The following ATP6V0A1 variants were observed in gnomAD, a reference collection of about 807,000 sequenced individuals.
ATP6V0A1 encodes ATPase H+ transporting V0 subunit a1.
In ATP6V0A1, 43 loss-of-function variants were observed where a neutral mutation model predicts 105.4. The observed-to-expected ratio is 0.41, with a 90% confidence interval of 0.32 to 0.53. ATP6V0A1 has a LOEUF of 0.53. Among genes scored for constraint, ATP6V0A1 ranks in the 20% least tolerant of loss-of-function variants. The pLI is 0.30. For missense variants in ATP6V0A1, 676 were observed against 1,051.1 expected (o/e 0.64, Z 4.93); for synonymous variants, 362 against 372.8 (o/e 0.97, Z 0.33).
rs2091915789 is a variant in ATP6V0A1, at chr17:42,504,845, G to A, written c.2005-2675G>A. ...ACAGTCCTCCTCTTCAGGGGGCATT[G>A]TTAACAGGTGGGGGCCTTGCCTCTG... On this transcript the variant is annotated intron_variant, in intron 17 of 21. Coordinates refer to ENST00000343619, the MANE Select transcript of ATP6V0A1 (RefSeq NM_001130021.3). 2.0e-5 allele frequency among the ~76,000 whole-genome samples: 3 copies of A among 152,276 alleles called. No individual in the cohort carries two copies. In the South Asian group the frequency reaches 6.2e-4, roughly 32 times the overall value.
chr17:42,470,787 A>G (rs1346318552), intron 5 of ATP6V0A1: 1 of 153,950 alleles, frequency 6.5e-6, no homozygotes, highest in African/African-American at 2.4e-5. Context: ...ACTTAGACGC[A>G]TTACCTCAGA....
intron 2 of ATP6V0A1, among the ~76,000 whole-genome samples, chr17:42,465,836 C>T (rs542163969): frequency 1.3e-5 from 2 of 151,584 alleles, no homozygotes; most frequent in South Asian, 2.1e-4. Flanking sequence ...CATGGTGGTG[C>T]GCACCTGTAA....
chr17:42,507,327 C>T, intron 17 of ATP6V0A1, 193 bp from the exon 18 acceptor site: 6 of 521,862 alleles, frequency 1.1e-5, no homozygotes, highest in South Asian at 4.4e-5. Context: ...GTAGGTTGGG[C>T]TGGGGCTGGG....
intron 21 of ATP6V0A1, chr17:42,517,829 C>T (rs2092693324): frequency 6.6e-6 from 1 of 152,248 alleles, no homozygotes; most frequent in Non-Finnish European, 1.5e-5. Context: ...CCACTTTATC[C>T]CTGCTGTTTC....
At chr17:42,487,740 T>TAA (rs1226355906) in intron 10 of ATP6V0A1, among the ~76,000 whole-genome samples, 4 of 151,574 alleles carry the variant, frequency 2.6e-5, no homozygotes. Context: ...AAAAAAAAAA[T>TAA]AATAATAAAA....
intron 19 of ATP6V0A1, among the ~76,000 whole-genome samples, chr17:42,512,053 G>A (rs2092369112): frequency 6.6e-6 from 1 of 152,196 alleles, no homozygotes; most frequent in Non-Finnish European, 1.5e-5. Flanking sequence ...GGTGCAGTAG[G>A]GTGAGGACTG....
intron 19 of ATP6V0A1, among the ~76,000 whole-genome samples, chr17:42,512,485 T>C (rs371907123): frequency 1.3e-5 from 2 of 152,082 alleles, no homozygotes; most frequent in South Asian, 2.1e-4. Context: ...TTAACCACGG[T>C]GTTGGGATTT....
intron 5 of ATP6V0A1, among the ~76,000 whole-genome samples, chr17:42,472,078 A>G (rs1353859524): frequency 6.1e-5 from 9 of 148,056 alleles, no homozygotes; most frequent in Non-Finnish European, 1.3e-4. Context: ...TCCCGAGACA[A>G]AGTCTCACTG....
intron 10 of ATP6V0A1, among the ~76,000 whole-genome samples, chr17:42,489,685 A>T (rs2090451836): frequency 6.6e-6 from 1 of 152,162 alleles, no homozygotes; most frequent in East Asian, 1.9e-4. Context: ...CAATGAGGGA[A>T]GTAAATGTTC....
At chr17:42,483,237 G>T in intron 9 of ATP6V0A1, 106 bp downstream of exon 9, 1 of 827,258 alleles carries the variant, frequency 1.2e-6, no homozygotes. Flanking sequence ...TAGCAAACCA[G>T]GATACCAAAA....
At chr17:42,500,663 C>G (rs1344491885) in intron 15 of ATP6V0A1, 44 bp from the exon 16 acceptor site, 1 of 1,502,384 alleles carries the variant, frequency 6.7e-7, no homozygotes, top group Non-Finnish European at 9.2e-7. Flanking sequence ...AGGAGTGGCC[C>G]TAGGCCCATT....
chr17:42,490,215 A>T (rs1379203157), intron 10 of ATP6V0A1, among the ~76,000 whole-genome samples: 1 of 152,114 alleles, frequency 6.6e-6, no homozygotes, highest in African/African-American at 2.4e-5. Context: ...TTAAAGTTAA[A>T]TTTTTTTCAC....
At chr17:42,506,217 G>A (rs901350344) in intron 17 of ATP6V0A1, among the ~76,000 whole-genome samples, 3 of 152,058 alleles carry the variant, frequency 2.0e-5, no homozygotes, top group African/African-American at 7.2e-5. Context: ...TTTGTACTTG[G>A]GAATATATTT....
intron 9 of ATP6V0A1, among the ~76,000 whole-genome samples, chr17:42,483,582 A>G (rs1490947689): frequency 6.6e-6 from 1 of 151,730 alleles, no homozygotes; most frequent in Non-Finnish European, 1.5e-5. Flanking sequence ...TAATTTTTGT[A>G]TTTTTATTTA....
chr17:42,520,243 C>T (rs2092783524), intron 21 of ATP6V0A1: 15 of 355,016 alleles, frequency 4.2e-5, no homozygotes, highest in South Asian at 3.0e-4. Flanking sequence ...TTTTTCTGCC[C>T]TTATTTGGTG....
intron 8 of ATP6V0A1, among the ~76,000 whole-genome samples, chr17:42,481,841 A>G (rs1303233326): frequency 6.6e-6 from 1 of 152,144 alleles, no homozygotes; most frequent in Non-Finnish European, 1.5e-5. Flanking sequence ...ATTCTGCCTT[A>G]GGGACAGATC....
chr17:42,477,289 A>G (rs2088877306), intron 5 of ATP6V0A1, among the ~76,000 whole-genome samples: 2 of 152,222 alleles, frequency 1.3e-5, no homozygotes, highest in Admixed American at 1.3e-4. Flanking sequence ...CTACATGCAG[A>G]GGTATTTCCT....
chr17:42,510,734 A>G (rs1217831817), intron 19 of ATP6V0A1: 1 of 152,206 alleles, frequency 6.6e-6, no homozygotes, highest in African/African-American at 2.4e-5. Flanking sequence ...TGACACAGCC[A>G]TGGCGCATTG....
intron 19 of ATP6V0A1, 26 bp downstream of exon 19, chr17:42,508,615 C>T (rs752960179): frequency 1.1e-5 from 18 of 1,613,756 alleles, no homozygotes; most frequent in Admixed American, 3.3e-5. Context: ...GCGTTGCCTT[C>T]GTGTTTATCC....
Sources: allele counts gnomAD v4.1 joint callset (sites outside exome capture counted in the v4.1 genomes callset), GRCh38; gene constraint gnomAD v4.1.1; transcripts MANE v1.5; gene names NCBI Gene and HGNC (gene_info 2026-07-23, HGNC 2026-07-21).